The following SCN3A variants were observed in gnomAD, a reference collection of about 807,000 sequenced individuals.
The protein encoded by SCN3A is sodium channel protein type 3 subunit alpha.
Under a neutral mutation model 187.6 loss-of-function variants are expected in SCN3A, and 60 were observed. The observed-to-expected ratio is 0.32, with a 90% CI of 0.26 to 0.40. The LOEUF (loss-of-function observed/expected upper bound fraction) is 0.40. Ranked by LOEUF, SCN3A falls within the 10% of genes least tolerant of loss-of-function variation. SCN3A has a pLI of 1.00. For synonymous variants in SCN3A, 788 were observed against 829.2 expected (o/e 0.95, Z 0.85); for missense variants, 1,601 against 2,428.2 (o/e 0.66, Z 7.16).
chr2:165,102,995 A>G (rs1685679519), intron 21 of SCN3A, among the ~76,000 whole-genome samples: 1 of 152,230 alleles, frequency 6.6e-6, no homozygotes, highest in African/African-American at 2.4e-5. Context: ...TTACGATAAG[A>G]TTATCACAAT....
chr2:165,094,409 A>C lies in SCN3A; in HGVS notation c.4501T>G (p.Ser1501Ala), dbSNP rs1685258686. Residue 1501 changes from serine to alanine, a missense_variant, in exon 26 of 28, where the codon TCC (serine) becomes GCC (alanine). This residue lies in a region of SCN3A where 320 missense variants were observed against 623.2 expected (regional missense o/e 0.51). Coordinates refer to ENST00000283254, the MANE Select transcript of SCN3A (RefSeq NM_006922.4). ...KYYNAMKKLG[S>A]KKPQKPIPRP... ...GGTATGGGTTTCTGAGGTTTCTTGG[A>C]TCCAAGTTTCTTCATTGCATTGTAA... 4 of 1,613,772 alleles carry C rather than the reference A, an allele frequency of 2.5e-6. No homozygotes were observed. In the East Asian group the frequency reaches 8.9e-5, roughly 36 times the overall value.
In SCN3A at chr2:165,087,767, C is replaced by G. The variant is rs1684902706; in HGVS notation, c.*2383G>C. On this transcript the variant is annotated 3_prime_UTR_variant, in exon 28 of 28. Transcript: ENST00000283254. ...TGCATTTAAGTAACAAAGAATGTAA[C>G]ATTTATTAGCCACCAAGTAATTAGG... 6.6e-6 allele frequency: 1 copy of G among 152,026 alleles called. No homozygotes were observed. The highest frequency in any genetic ancestry group is 6.6e-5 in the Admixed American group (1 of 15,256). 9.4% of individuals were successfully genotyped at this position (152,026 alleles called of 1,614,324 possible).
At chr2:165,189,585 A>C (rs1691465138) in intron 1 of SCN3A, among the ~76,000 whole-genome samples, 1 of 152,230 alleles carries the variant, frequency 6.6e-6, no homozygotes, top group African/African-American at 2.4e-5. Context: ...AATCTTAGAC[A>C]AATTAAATCT....
chr2:165,097,344 C>T lies in SCN3A; in HGVS notation c.4147G>A (p.Asp1383Asn). 1.2e-6 allele frequency: 2 copies of T among 1,614,042 alleles called. No individual in the cohort carries two copies. The highest frequency in any genetic ancestry group is 1.7e-6 in the Non-Finnish European group (2 of 1,179,972). ...FDISDVNNLS[D>N]CQALGKQARW... The stretch of plus-strand genomic sequence containing the variant: ...GCTTGCTTGCCAAGAGCCTGACAGT[C>T]ACTCAAATTGTTAACATCACTAATG... Residue 1383 changes from aspartate (D) to asparagine (N), a missense_variant, in exon 23 of 28, where the codon GAC (aspartate) becomes AAC (asparagine). Asp to Asn is a conservative substitution (Grantham distance 23). Around this residue, in one of 11 missense-constraint regions of SCN3A, gnomAD observed 320 missense variants for 623.2 expected, o/e 0.51. Transcript: ENST00000283254.
At chr2:165,113,687 G>T in intron 20 of SCN3A, 129 bp downstream of exon 20, 1 of 981,926 alleles carries the variant, frequency 1.0e-6, no homozygotes, top group African/African-American at 1.6e-5. Flanking sequence ...TAAACCTTGG[G>T]TGCCAAGCTC....
intron 2 of SCN3A, among the ~76,000 whole-genome samples, chr2:165,180,201 C>G (rs1690755171): frequency 6.6e-6 from 1 of 152,156 alleles, no homozygotes; most frequent in East Asian, 1.9e-4. Flanking sequence ...CTGCGGAACT[C>G]CAAATCTGGA....
chr2:165,136,986 A>G (rs1574187460), intron 15 of SCN3A, among the ~76,000 whole-genome samples: 1 of 152,262 alleles, frequency 6.6e-6, no homozygotes, highest in Middle Eastern at 3.4e-3. Flanking sequence ...ATGTGACCTA[A>G]ATTATGCCTA....
chr2:165,155,232 A>G (rs187833632), intron 10 of SCN3A, among the ~76,000 whole-genome samples: 145 of 152,264 alleles, frequency 9.5e-4, no homozygotes, highest in African/African-American at 3.4e-3. Flanking sequence ...TCCTCAGTGT[A>G]CATATATAGG....
intron 2 of SCN3A, 47 bp from the exon 3 acceptor site, chr2:165,176,491 G>T: frequency 1.4e-6 from 2 of 1,466,772 alleles, no homozygotes; most frequent in Non-Finnish European, 1.9e-6. Flanking sequence ...GCAAGCGATT[G>T]GGCATAAGAA....
Position 165,090,697 on chromosome 2 carries a change from G to T in SCN3A, c.5456C>A (p.Ala1819Asp). The T allele has an allele frequency of 6.2e-7, 1 of 1,614,018 alleles. No individual in the cohort carries two copies. The highest frequency in any genetic ancestry group is 8.5e-7 in the Non-Finnish European group (1 of 1,179,994). ...TGCTATGAGAAGAGGAGGATCCAGG[G>T]CAGCTGCAAAATCAGAGAGTTTAGA... ...EFSKLSDFAA[A>D]LDPPLLIAKP... Residue 1819 changes from alanine to aspartate, a missense_variant, in exon 28 of 28, where the codon GCC (alanine) becomes GAC (aspartate). By Grantham distance (126) the Ala-to-Asp change is moderately radical (BLOSUM62 -2). This residue lies in a region of SCN3A where 110 missense variants were observed against 175.9 expected (regional missense o/e 0.63). Transcript: ENST00000283254. This position sits in a 1 kb window ranked among gnomAD's most constrained non-coding sequence, Gnocchi z 4.0.
chr2:165,170,619 G>A, intron 3 of SCN3A, 71 bp from the exon 4 acceptor site: 1 of 924,658 alleles, frequency 1.1e-6, no homozygotes. Flanking sequence ...CATACATGAA[G>A]AACTTTTTAA....
intron 7 of SCN3A, 68 bp downstream of exon 7, chr2:165,163,550 G>A: frequency 1.3e-6 from 2 of 1,533,666 alleles, no homozygotes; most frequent in Non-Finnish European, 1.8e-6. Flanking sequence ...GGCTAATGCT[G>A]TAAGTCATAT....
At chr2:165,196,936 A>G in intron 1 of SCN3A, among the ~76,000 whole-genome samples, 1 of 152,156 alleles carries the variant, frequency 6.6e-6, no homozygotes. Context: ...ATTTGTAAGT[A>G]AGAAATAAAT....
intron 9 of SCN3A, 118 bp from the exon 10 acceptor site, chr2:165,156,021 T>A: frequency 8.0e-7 from 1 of 1,251,592 alleles, no homozygotes; most frequent in Non-Finnish European, 1.2e-6. Flanking sequence ...TATCTTGCTT[T>A]AATTTCCAGA....
chr2:165,194,828 A>G (rs1222114863), intron 1 of SCN3A: 1 of 151,946 alleles, frequency 6.6e-6, no homozygotes, highest in East Asian at 1.9e-4. Context: ...AATAAAGAAA[A>G]GATGAAAAAA....
intron 18 of SCN3A, among the ~76,000 whole-genome samples, chr2:165,125,156 C>T (rs371705908): frequency 7.3e-4 from 111 of 152,258 alleles, no homozygotes; most frequent in African/African-American, 2.5e-3. Context: ...GTCAGCTCCA[C>T]CTTTCCTTTA....
Position 165,090,577 on chromosome 2 carries a change from C to T in SCN3A, c.5576G>A (p.Arg1859His), listed in dbSNP as rs778995406. The T allele has an allele frequency of 4.3e-6, 7 of 1,613,978 alleles. No homozygotes were observed. Among genetic ancestry groups the T allele is most frequent in the Non-Finnish European group, 5.1e-6 (6 of 1,179,984 alleles). The change falls in exon 28 of 28, where the codon CGT (arginine) becomes CAT (histidine). Residue 1859 changes from arginine (R) to histidine (H), a missense_variant. Coordinates refer to ENST00000283254, the MANE Select transcript of SCN3A (RefSeq NM_006922.4). The surrounding 1 kb of genome is among the most constrained non-coding windows in gnomAD (Gnocchi z 4.0). The stretch of plus-strand genomic sequence containing the variant: ...CATCTCTCCACTCTCACCCAAAACA[C>T]GCTTTGTAAAGGCAAATAAAATATC... ...CLDILFAFTK[R>H]VLGESGEMDA...
intron 9 of SCN3A, among the ~76,000 whole-genome samples, chr2:165,157,521 A>T (rs1398289424): frequency 6.6e-6 from 1 of 152,172 alleles, no homozygotes; most frequent in Non-Finnish European, 1.5e-5. Context: ...ATCACTCACT[A>T]TGACTTATCA....
At chr2:165,096,816 C>A (rs1231784549) in intron 23 of SCN3A, among the ~76,000 whole-genome samples, 1 of 152,028 alleles carries the variant, frequency 6.6e-6, no homozygotes, top group African/African-American at 2.4e-5. Flanking sequence ...AAAGTGTAAG[C>A]TCTATGATTT....
Sources: gnomAD v4.1 joint callset for allele counts (sites outside exome capture counted in the v4.1 genomes callset) on GRCh38, gnomAD v4.1.1 for gene constraint, gnomAD v4.1.1 regional missense constraint, Gnocchi (gnomAD v3.1) non-coding constraint, MANE v1.5 for transcripts, NCBI Gene and HGNC (gene_info 2026-07-23, HGNC 2026-07-21) for gene names.